AASDH: variants seen among roughly 807,000 people sequenced by gnomAD.
The protein encoded by AASDH is beta-alanine-activating enzyme.
AASDH carries 81 observed loss-of-function variants against 102.3 expected under a neutral mutation model. That is an observed-to-expected ratio of 0.79 (90% CI 0.66 to 0.95). The LOEUF (loss-of-function observed/expected upper bound fraction) is 0.95. Among genes scored for constraint, AASDH ranks in the 40% least tolerant of loss-of-function variants. The pLI, the probability that AASDH is intolerant of heterozygous loss-of-function variation, is 0.00. For missense variants in AASDH, 1,203 were observed against 1,266.2 expected (o/e 0.95, Z 0.76); for synonymous variants, 398 against 454.0 (o/e 0.88, Z 1.57).
chr4:56,386,434 C>A (rs1056773688), intron 1 of AASDH, among the ~76,000 whole-genome samples: 15 of 152,134 alleles, frequency 9.9e-5, no homozygotes, highest in Non-Finnish European at 1.9e-4. Flanking sequence ...TTCATTGAAT[C>A]ACAAATAACA....
intron 5 of AASDH, among the ~76,000 whole-genome samples, chr4:56,362,987 T>A (rs1479274558): frequency 6.6e-6 from 1 of 151,950 alleles, no homozygotes; most frequent in Non-Finnish European, 1.5e-5. Flanking sequence ...AAGAAAGGGG[T>A]GACAGACGGC....
chr4:56,353,627 G>C, intron 8 of AASDH, 31 bp from the exon 9 acceptor site: 1 of 1,534,224 alleles, frequency 6.5e-7, no homozygotes, highest in Non-Finnish European at 8.7e-7. Context: ...ATTTGCCAAT[G>C]AGGATATTTA....
intron 5 of AASDH, among the ~76,000 whole-genome samples, 170 bp from the exon 6 acceptor site, chr4:56,355,593 GTT>G (rs149149581): frequency 0.34 from 31,807 of 92,244 alleles, 3,292 homozygotes; most frequent in Non-Finnish European, 0.38. Flanking sequence ...TTATCTTCTT[GTT>G]TTTTTTTTTT....
Position 56,384,276 on chromosome 4 carries a change from A to T in AASDH, c.24T>A (p.His8Gln), listed in dbSNP as rs147212000. ...TGTCCATATAACAGGAGGCAGCCTTATGCACCAATTCCTGAAGAGTCATTT... is the reference window on the plus strand; with the variant it reads ...TGTCCATATAACAGGAGGCAGCCTTTTGCACCAATTCCTGAAGAGTCATTT... The part of the protein sequence containing the change: MTLQELV[H>Q]KAASCYMDRV... The change falls in exon 2 of 15, where the codon CAT (histidine) becomes CAA (glutamine). Residue 8 changes from histidine to glutamine, a missense_variant. By Grantham distance (24) the His-to-Gln change is conservative. Coordinates refer to ENST00000205214, the MANE Select transcript of AASDH (RefSeq NM_181806.4). 1.3e-3 allele frequency: 2,172 copies of T among 1,614,098 alleles called. 1 individual carries two copies. Among genetic ancestry groups the T allele is most frequent in the Non-Finnish European group, 1.3e-3 (1,520 of 1,179,992 alleles).
intron 5 of AASDH, among the ~76,000 whole-genome samples, chr4:56,363,588 C>T (rs536812349): frequency 3.3e-5 from 5 of 152,320 alleles, no homozygotes; most frequent in Admixed American, 6.5e-5. Context: ...CTGCAGCCAC[C>T]GCTGCTGATA....
At chr4:56,363,562 A>T (rs1750592982) in intron 5 of AASDH, among the ~76,000 whole-genome samples, 1 of 152,216 alleles carries the variant, frequency 6.6e-6, no homozygotes, top group East Asian at 1.9e-4. Flanking sequence ...TTTGCAGTTC[A>T]CCAATATCCG....
intron 1 of AASDH, among the ~76,000 whole-genome samples, chr4:56,385,202 A>G (rs930508567): frequency 6.6e-6 from 1 of 152,174 alleles, no homozygotes; most frequent in Admixed American, 6.5e-5. Flanking sequence ...AAAGCAAAAA[A>G]CCCTATTCCT....
intron 5 of AASDH, among the ~76,000 whole-genome samples, chr4:56,361,198 G>A (rs1020000700): frequency 1.3e-5 from 2 of 152,122 alleles, no homozygotes; most frequent in Non-Finnish European, 2.9e-5. Flanking sequence ...GATCACTTAA[G>A]GTCAGGAGTT....
At chr4:56,345,089 G>A (rs1313472208) in intron 12 of AASDH, 38 bp downstream of exon 12, 2 of 1,605,902 alleles carry the variant, frequency 1.2e-6, no homozygotes, top group East Asian at 2.2e-5. Context: ...TTACAGGCAT[G>A]CGCCACCATG....
rs577532168 is a variant in AASDH, at chr4:56,383,564, C to T, written c.230+506G>A. Among the ~76,000 whole-genome samples the T allele has an allele frequency of 1.4e-3, 206 of 152,284 alleles. 3 individuals carry two copies. Among genetic ancestry groups the T allele is most frequent in the African/African-American group, 4.6e-3 (193 of 41,578 alleles). ...GAAATCACTATATGAGGATAACATT[C>T]TAGAACAATTTAAATGATTGAACAT... On this transcript the variant is annotated intron_variant, in intron 2 of 14. Coordinates refer to ENST00000205214, the MANE Select transcript of AASDH (RefSeq NM_181806.4).
chr4:56,338,316 T>TCTTTAATA lies in AASDH; in HGVS notation c.*85_*86insTATTAAAG, dbSNP rs71192094. 3.3e-4 allele frequency: 466 copies of TCTTTAATA among 1,419,104 alleles called. No homozygotes were observed. Among genetic ancestry groups the TCTTTAATA allele is most frequent in the Non-Finnish European group, 3.9e-4 (405 of 1,047,778 alleles). The allele number at this position is 1,419,104 out of a possible 1,614,324, so 87.9% of individuals were successfully genotyped here. A position where few individuals can be genotyped will look rare whatever the true frequency, so the allele number is the denominator to read the frequency against. On this transcript the variant is annotated 3_prime_UTR_variant, in exon 15 of 15. Transcript: ENST00000205214. ...TTCTTAGCCAAAATATAATCTTCTT[T>TCTTTAATA]AATATAAAATAAGTCCACATGATGT... is the stretch of plus-strand genomic sequence containing the variant.
In AASDH at chr4:56,353,517, G is replaced by A. The variant is rs780957540; in HGVS notation, c.1463C>T (p.Ser488Phe). ...NQEKLILFMV[S>F]KDASVKEYIF... ...GTATTCTTTTACTGAAGCATCTTTA[G>A]ACACCATGAAGAGAATTAATTTTTC... The change falls in exon 9 of 15, where the codon TCT becomes TTT. Residue 488 changes from serine to phenylalanine, a missense_variant. Ser to Phe is a radical substitution (Grantham distance 155, BLOSUM62 -2). Coordinates refer to ENST00000205214, the MANE Select transcript of AASDH (RefSeq NM_181806.4). 5 of 1,613,578 alleles carry A rather than the reference G, an allele frequency of 3.1e-6. No individual in the cohort carries two copies. The highest frequency in any genetic ancestry group is 4.2e-6 in the Non-Finnish European group (5 of 1,179,910).
chr4:56,363,903 T>G (rs1482254768), intron 5 of AASDH, among the ~76,000 whole-genome samples: 4 of 151,932 alleles, frequency 2.6e-5, no homozygotes, highest in Non-Finnish European at 4.4e-5. Flanking sequence ...AGAAGAAGGC[T>G]CCAGAAGATC....
intron 3 of AASDH, among the ~76,000 whole-genome samples, chr4:56,379,270 ACTACAGGTGTGCACCAAAACACC>A (rs1241026541): frequency 4.6e-5 from 7 of 152,118 alleles, no homozygotes; most frequent in Non-Finnish European, 8.8e-5. Context: ...AGTAGCTGGA[ACTACAGGTGTGCACCAAAACACC>A]CAGCTAGCTT....
At chr4:56,353,894 G>T in intron 8 of AASDH, 145 bp downstream of exon 8, 1 of 730,962 alleles carries the variant, frequency 1.4e-6, no homozygotes, top group Non-Finnish European at 2.1e-6. Flanking sequence ...GGGGCACCCT[G>T]AATTATTCAT....
intron 5 of AASDH, among the ~76,000 whole-genome samples, chr4:56,359,803 C>T (rs1197929079): frequency 2.6e-5 from 4 of 152,122 alleles, no homozygotes; most frequent in South Asian, 2.1e-4. Context: ...ATGATCCACC[C>T]GCCTCGGCCT....
At chr4:56,354,611 A>C in intron 7 of AASDH, 94 bp downstream of exon 7, 1 of 892,742 alleles carries the variant, frequency 1.1e-6, no homozygotes, top group South Asian at 1.7e-5. Context: ...GAAAAGCATG[A>C]GATAGACAAA....
rs1450205090 is a variant in AASDH, at chr4:56,345,198, T to C, written c.2581A>G (p.Thr861Ala). The change falls in exon 12 of 15, where the codon ACC becomes GCC. Residue 861 changes from threonine (T) to alanine (A), a missense_variant. Physicochemically the swap from Thr to Ala is moderately conservative, Grantham distance 58. Transcript: ENST00000205214. ...ATGAGTCCTGTGGTTGGATCCATGGTTGCCGAGCTTTTGACAGCATCTTCA... is the reference window on the plus strand; with the variant it reads ...ATGAGTCCTGTGGTTGGATCCATGGCTGCCGAGCTTTTGACAGCATCTTCA... ...TTEDAVKSSA[T>A]MDPTTGLIYI... 2 of 1,614,200 alleles carry C rather than the reference T, an allele frequency of 1.2e-6. No individual in the cohort carries two copies. Among genetic ancestry groups the C allele is most frequent in the Admixed American group, 1.7e-5 (1 of 60,024 alleles).
At position 56,373,112 on chromosome 4, in the gene AASDH, G is replaced by A. The variant is rs115313000; in HGVS notation, c.669-1469C>T. 3.1e-3 allele frequency among the ~76,000 whole-genome samples: 474 copies of A among 152,216 alleles called. 3 individuals carry two copies. The highest frequency in any genetic ancestry group is 0.011 in the African/African-American group (454 of 41,536). On this transcript the variant is annotated intron_variant, in intron 4 of 14. Transcript: ENST00000205214. ...TTACAGCCAGCTCTTACATATTAAGGTTAGAGTAATATTTCTATATTTCTA... is the reference window on the plus strand; with the variant it reads ...TTACAGCCAGCTCTTACATATTAAGATTAGAGTAATATTTCTATATTTCTA...
Sources: gnomAD v4.1 joint callset for allele counts (sites outside exome capture counted in the v4.1 genomes callset) on GRCh38, gnomAD v4.1.1 for gene constraint, MANE v1.5 for transcripts, NCBI Gene and HGNC (gene_info 2026-07-23, HGNC 2026-07-21) for gene names.